The following ODAD2 variants were observed in gnomAD, a reference collection of about 807,000 sequenced individuals.
ODAD2 encodes the protein outer dynein arm docking complex subunit 2.
ODAD2 carries 89 observed loss-of-function variants against 106.8 expected under a neutral mutation model. The ratio of observed to expected loss-of-function variants is 0.83; its 90% CI spans 0.70 to 0.99. The LOEUF is 0.99. ODAD2 is among the 50% of genes least tolerant of loss of function. ODAD2 has a pLI of 0.00. For missense variants in ODAD2, 1,168 were observed against 1,238.5 expected (o/e 0.94, Z 0.85); for synonymous variants, 404 against 436.2 (o/e 0.93, Z 0.92).
Position 27,948,967 on chromosome 10 carries a change from G to A in ODAD2, c.1387-4005C>T, listed in dbSNP as rs1022977980. Among the ~76,000 whole-genome samples the A allele has an allele frequency of 2.6e-4, 39 of 151,522 alleles. 1 individual carries two copies. Among genetic ancestry groups the A allele is most frequent in the Admixed American group, 2.4e-3 (37 of 15,198 alleles). ...AAAACTTCTTTTTGAAAGACAAGAC[G>A]AATTAAAGATAATTTCCTCAACTAC... On this transcript the variant is annotated intron_variant, in intron 10 of 19. Coordinates refer to ENST00000305242, the MANE Select transcript of ODAD2 (RefSeq NM_018076.5).
chr10:27,918,730 T>C (rs1032762197), intron 16 of ODAD2, among the ~76,000 whole-genome samples: 7 of 151,532 alleles, frequency 4.6e-5, no homozygotes, highest in African/African-American at 1.7e-4. Context: ...GACATAAGGA[T>C]TGTGGGGGGA....
chr10:27,849,633 G>C (rs1261019298), intron 19 of ODAD2, among the ~76,000 whole-genome samples: 2 of 152,042 alleles, frequency 1.3e-5, no homozygotes, highest in Non-Finnish European at 2.9e-5. Flanking sequence ...CTTAAAAAGA[G>C]AGGGAAAAAA....
intron 19 of ODAD2, among the ~76,000 whole-genome samples, chr10:27,844,939 A>T (rs1400783210): frequency 6.6e-6 from 1 of 152,206 alleles, no homozygotes; most frequent in Non-Finnish European, 1.5e-5. Flanking sequence ...GATGAAGAAG[A>T]CAAGCAGTCT....
chr10:27,891,997 T>C (rs1195618576), intron 17 of ODAD2, among the ~76,000 whole-genome samples: 1 of 152,170 alleles, frequency 6.6e-6, no homozygotes, highest in Non-Finnish European at 1.5e-5. Flanking sequence ...ATTCTTTACA[T>C]CACAACTTCA....
At chr10:27,986,428 C>T (rs1236729267) in intron 3 of ODAD2, among the ~76,000 whole-genome samples, 1 of 152,126 alleles carries the variant, frequency 6.6e-6, no homozygotes, top group Non-Finnish European at 1.5e-5. Flanking sequence ...ATTATGTCTA[C>T]CAATTGAGTT....
At chr10:27,879,441 A>T (rs986214057) in intron 17 of ODAD2, among the ~76,000 whole-genome samples, 2 of 151,506 alleles carry the variant, frequency 1.3e-5, no homozygotes, top group African/African-American at 2.4e-5. Context: ...ATATGTATAT[A>T]TTAAATAATT....
chr10:27,964,743 C>A, intron 9 of ODAD2, among the ~76,000 whole-genome samples: 1 of 152,246 alleles, frequency 6.6e-6, no homozygotes, highest in East Asian at 1.9e-4. Flanking sequence ...AGCTCAGTAC[C>A]TTGTCCACTT....
chr10:27,829,687 TA>T (rs1837328012), intron 19 of ODAD2, among the ~76,000 whole-genome samples: 1 of 152,234 alleles, frequency 6.6e-6, no homozygotes, highest in Non-Finnish European at 1.5e-5. Context: ...CCTAACATTT[TA>T]ATAAGCAACT....
intron 17 of ODAD2, among the ~76,000 whole-genome samples, chr10:27,877,455 G>A (rs1841416725): frequency 6.6e-6 from 1 of 152,072 alleles, no homozygotes; most frequent in Admixed American, 6.6e-5. Context: ...TGTGGGACAG[G>A]GAAACATTAG....
intron 7 of ODAD2, among the ~76,000 whole-genome samples, chr10:27,979,330 T>C (rs1421200319): frequency 1.3e-5 from 2 of 150,670 alleles, no homozygotes; most frequent in African/African-American, 4.9e-5. Flanking sequence ...CAGTAATTAG[T>C]CAAGAAAAAG....
chr10:27,974,689 G>GTTTTTT (rs397699788), intron 7 of ODAD2, among the ~76,000 whole-genome samples: 1 of 128,390 alleles, frequency 7.8e-6, no homozygotes, highest in Non-Finnish European at 1.7e-5. Flanking sequence ...GTCTGTTTTT[G>GTTTTTT]TTTTTTTTTT....
In ODAD2 at chr10:27,970,086, G is replaced by A. The variant is rs904791201; in HGVS notation, c.1142+1022C>T. Among the ~76,000 whole-genome samples, 13 of 150,662 alleles carry A rather than the reference G, an allele frequency of 8.6e-5. No individual in the cohort carries two copies. In the East Asian group the frequency reaches 9.7e-4, roughly 11 times the overall value. ...GTGCCACTGCAGCCTGGGTGACAGC[G>A]AGATTCTGTCTCAAAAAATAAATAA... is the stretch of plus-strand genomic sequence containing the variant. On this transcript the variant is annotated intron_variant, in intron 8 of 19. Coordinates refer to ENST00000305242, the MANE Select transcript of ODAD2 (RefSeq NM_018076.5).
intron 7 of ODAD2, among the ~76,000 whole-genome samples, 169 bp from the exon 8 acceptor site, chr10:27,971,482 G>A (rs1848859595): frequency 6.6e-6 from 1 of 152,170 alleles, no homozygotes; most frequent in Admixed American, 6.6e-5. Context: ...TTCTGTTGGA[G>A]TTAGGTGGAC....
intron 10 of ODAD2, among the ~76,000 whole-genome samples, chr10:27,951,801 A>C (rs1184549857): frequency 6.6e-6 from 1 of 152,116 alleles, no homozygotes; most frequent in South Asian, 2.1e-4. Context: ...CCAGCTGGAC[A>C]CAGTGGCTCA....
At chr10:27,946,591 C>A (rs938299585) in intron 10 of ODAD2, among the ~76,000 whole-genome samples, 5 of 152,068 alleles carry the variant, frequency 3.3e-5, no homozygotes, top group African/African-American at 9.7e-5. Context: ...ACTATAATTT[C>A]TTGACTGTAC....
At chr10:27,920,214 A>G (rs1047578660) in intron 16 of ODAD2, among the ~76,000 whole-genome samples, 5 of 152,170 alleles carry the variant, frequency 3.3e-5, no homozygotes, top group African/African-American at 9.6e-5. Flanking sequence ...TGGCAGTTAC[A>G]TAAGTGTTTC....
At chr10:27,850,898 C>A (rs1244725348) in intron 19 of ODAD2, among the ~76,000 whole-genome samples, 1 of 152,164 alleles carries the variant, frequency 6.6e-6, no homozygotes, top group Non-Finnish European at 1.5e-5. Context: ...AGAGCCCAGA[C>A]AAAGCCTGAC....
At chr10:27,833,528 T>C (rs1323927994) in intron 19 of ODAD2, among the ~76,000 whole-genome samples, 2 of 152,228 alleles carry the variant, frequency 1.3e-5, no homozygotes, top group Non-Finnish European at 2.9e-5. Context: ...TGTGGCTACG[T>C]AGAAGAAAAA....
intron 19 of ODAD2, among the ~76,000 whole-genome samples, chr10:27,850,631 A>G (rs527826122): frequency 2.0e-5 from 3 of 152,226 alleles, no homozygotes; most frequent in African/African-American, 7.2e-5. Context: ...AACTTTCTAT[A>G]AATTTATTCT....
Sources: gnomAD v4.1 joint callset for allele counts (sites outside exome capture counted in the v4.1 genomes callset) on GRCh38, gnomAD v4.1.1 for gene constraint, MANE v1.5 for transcripts, NCBI Gene and HGNC (gene_info 2026-07-23, HGNC 2026-07-21) for gene names.